The following P3H1 variants were observed in gnomAD, a reference collection of about 807,000 sequenced individuals.
P3H1 encodes the protein growth suppressor 1.
Under a neutral mutation model 84.0 loss-of-function variants are expected in P3H1, and 69 were observed. The observed-to-expected ratio is 0.82, with a 90% confidence interval of 0.68 to 1.00. The LOEUF (loss-of-function observed/expected upper bound fraction) is 1.00. P3H1 is among the 50% of genes least tolerant of loss of function. P3H1 has a pLI of 0.00. For synonymous variants in P3H1, 366 were observed against 388.8 expected, an observed-to-expected ratio of 0.94 and a Z score of 0.69; for missense variants, 878 against 962.8, an observed-to-expected ratio of 0.91 and a Z score of 1.17.
intron 1 of P3H1, among the ~76,000 whole-genome samples, chr1:42,765,616 G>A (rs1652944575): frequency 6.6e-6 from 1 of 152,194 alleles, no homozygotes; most frequent in South Asian, 2.1e-4. Flanking sequence ...GGGGAACTGT[G>A]TAGGCAGAAT....
At chr1:42,766,127 A>G (rs568665211) in intron 1 of P3H1, among the ~76,000 whole-genome samples, 1 of 152,176 alleles carries the variant, frequency 6.6e-6, no homozygotes, top group East Asian at 1.9e-4. Context: ...CCACTGGAAA[A>G]CCAACCGGAA....
At position 42,757,861 on chromosome 1, in the gene P3H1, G is replaced by C; in HGVS notation, c.1002C>G (p.Asp334Glu). 1 of 1,614,158 alleles carries C rather than the reference G, an allele frequency of 6.2e-7. No homozygotes were observed. The highest frequency in any genetic ancestry group is 1.1e-5 in the South Asian group (1 of 91,080). The part of the protein sequence containing the change: ...AKTYLLFFPN[D>E]EVMNQNLAYY... ...AGGCCAAATTTTGGTTCATCACCTC[G>C]TCATTGGGGAAGAAGAGAAGATAGG... The change falls in exon 5 of 15, where the codon GAC (aspartate) becomes GAG (glutamate). Residue 334 changes from aspartate (D) to glutamate (E), a missense_variant. Coordinates refer to ENST00000296388, the MANE Select transcript of P3H1 (RefSeq NM_022356.4).
intron 1 of P3H1, 136 bp from the exon 2 acceptor site, chr1:42,762,611 C>T: frequency 1.1e-6 from 1 of 884,778 alleles, no homozygotes; most frequent in Non-Finnish European, 1.8e-6. Flanking sequence ...CCCCTGCCAG[C>T]CCCAGGAAGC....
intron 6 of P3H1, 95 bp from the exon 7 acceptor site, chr1:42,755,312 G>T: frequency 8.2e-7 from 1 of 1,224,040 alleles, no homozygotes; most frequent in Non-Finnish European, 1.2e-6. Context: ...GAGTAATCCA[G>T]CTTATCACCC....
rs1213664830 is a variant in P3H1 at position 42,767,025 on chromosome 1, C to T, written c.-54G>A. On this transcript the variant is annotated 5_prime_UTR_variant, in exon 1 of 15. Coordinates refer to ENST00000296388, the MANE Select transcript of P3H1 (RefSeq NM_022356.4). ...GCCACCCGCCACCAAGGCCGGAGTC[C>T]TACCCCCGGCGAAGGCCCGCCCCCG... 1 of 1,578,098 alleles carries T rather than the reference C, an allele frequency of 6.3e-7. No individual in the cohort carries two copies. Among genetic ancestry groups the T allele is most frequent in the Non-Finnish European group, 8.6e-7 (1 of 1,166,334 alleles).
intron 5 of P3H1, among the ~76,000 whole-genome samples, chr1:42,757,314 T>C (rs1468808241): frequency 6.6e-6 from 1 of 152,098 alleles, no homozygotes; most frequent in Non-Finnish European, 1.5e-5. Context: ...ATATTTCTCC[T>C]GGTTTTGGAG....
At chr1:42,750,831 C>G (rs1652023564) in intron 10 of P3H1, among the ~76,000 whole-genome samples, 1 of 147,732 alleles carries the variant, frequency 6.8e-6, no homozygotes. Context: ...GGGGTCAGCC[C>G]CCTGCCCGGC....
Position 42,747,355 on chromosome 1 carries a change from G to GGTTTTCAGT in P3H1, c.1963_1971dup (p.Thr655_Asn657dup). The GGTTTTCAGT allele has an allele frequency of 1.2e-6, 2 of 1,610,400 alleles. No homozygotes were observed. Among genetic ancestry groups the GGTTTTCAGT allele is most frequent in the Non-Finnish European group, 1.7e-6 (2 of 1,177,916 alleles). On this transcript the variant is annotated inframe_insertion, in exon 14 of 15. Coordinates refer to ENST00000296388, the MANE Select transcript of P3H1 (RefSeq NM_022356.4). ...CTGGTGACAGCCTTCACTCCATGTGGGTTTTCAGTGCCTGAAGAGAATCCC... is the reference window on the plus strand; with the variant it reads ...CTGGTGACAGCCTTCACTCCATGTGGGTTTTCAGTGTTTTCAGTGCCTGAAGAGAATCCC...
At position 42,766,676 on chromosome 1, in the gene P3H1, G is replaced by A. The variant is rs1308573550; in HGVS notation, c.296C>T (p.Ser99Leu). 5.2e-6 allele frequency: 8 copies of A among 1,527,758 alleles called. No individual in the cohort carries two copies. Among genetic ancestry groups the A allele is most frequent in the Admixed American group, 2.1e-5 (1 of 47,042 alleles). The allele number at this position is 1,527,758 out of a possible 1,614,324, so 94.6% of individuals were successfully genotyped here. A position where few individuals can be genotyped will look rare whatever the true frequency, so the allele number is the denominator to read the frequency against. Residue 99 changes from serine to leucine, a missense_variant, in exon 1 of 15, where the codon TCG becomes TTG. Coordinates refer to ENST00000296388, the MANE Select transcript of P3H1 (RefSeq NM_022356.4). ...PDWSPSPAQASGAAALRDLSF... is the reference protein window; with the variant it reads ...PDWSPSPAQALGAAALRDLSF... Reference sequence around the variant, plus strand: ...CAGGTCGCGCAGGGCGGCGGCGCCCGAGGCCTGGGCCGGGCTGGGGGACCA... The same window carrying A: ...CAGGTCGCGCAGGGCGGCGGCGCCCAAGGCCTGGGCCGGGCTGGGGGACCA...
At position 42,746,847 on chromosome 1, in the gene P3H1, CCT is replaced by C; in HGVS notation, c.2059_2060del (p.Arg687GlyfsTer5). 4 of 1,613,954 alleles carry C rather than the reference CCT, an allele frequency of 2.5e-6. No individual in the cohort carries two copies. Among genetic ancestry groups the C allele is most frequent in the Non-Finnish European group, 3.4e-6 (4 of 1,179,950 alleles). ...TCTTCACCAGGTCATCTGCCTGCAC[CCT>C]GTCCTGCAAGGACAAACCCCTGCCC... ...TLDPRHSERD[R>X]VQADDLVKML... On this transcript the variant is annotated frameshift_variant, in exon 15 of 15. Coordinates refer to ENST00000296388, the MANE Select transcript of P3H1 (RefSeq NM_022356.4). LOFTEE classifies it high-confidence loss of function.
At position 42,755,000 on chromosome 1, in the gene P3H1, C is replaced by T. The variant is rs1189252248; in HGVS notation, c.1224-10G>A. ...TGTTTCCCGTTCTGACCTATGAGCA[C>T]AGCCGCTCTGAGGACTGCATTCCAG... On this transcript the variant is annotated splice_polypyrimidine_tract_variant and intron_variant, in intron 7 of 14. Coordinates refer to ENST00000296388, the MANE Select transcript of P3H1 (RefSeq NM_022356.4). The surrounding 1 kb of genome is among the most constrained non-coding windows in gnomAD (Gnocchi z 4.0). 3.1e-6 allele frequency: 5 copies of T among 1,614,072 alleles called. No homozygotes were observed. Among genetic ancestry groups the T allele is most frequent in the Non-Finnish European group, 3.4e-6 (4 of 1,180,048 alleles).
rs1652269190 is a variant in P3H1 at position 42,754,350 on chromosome 1, G to A, written c.1345+519C>T. ...CTTCCCAGCAGCTTGCAGAAAACGG[G>A]CACAGGAGGAAGAGGAGCCAAAGGA... On this transcript the variant is annotated intron_variant, in intron 8 of 14. Coordinates refer to ENST00000296388, the MANE Select transcript of P3H1 (RefSeq NM_022356.4). The surrounding 1 kb of genome is among the most constrained non-coding windows in gnomAD (Gnocchi z 4.0). 6.6e-6 allele frequency among the ~76,000 whole-genome samples: 1 copy of A among 152,150 alleles called. No homozygotes were observed. The highest frequency in any genetic ancestry group is 6.5e-5 in the Admixed American group (1 of 15,282).
rs146244576 is a variant in P3H1 at position 42,758,780 on chromosome 1, G to A, written c.940+72C>T. 1.7e-5 allele frequency: 27 copies of A among 1,564,704 alleles called. No homozygotes were observed. In the South Asian group the frequency reaches 2.8e-4, roughly 16 times the overall value. ...AAACACCTTGAGGAAGTAAGTGGCT[G>A]TAATCCCTGCCCACCTTGCCTTTAG... On this transcript the variant is annotated intron_variant, in intron 4 of 14. Coordinates refer to ENST00000296388, the MANE Select transcript of P3H1 (RefSeq NM_022356.4).
intron 12 of P3H1, 28 bp downstream of exon 12, chr1:42,748,172 C>T (rs1651837307): frequency 6.4e-7 from 1 of 1,559,176 alleles, no homozygotes; most frequent in Admixed American, 1.7e-5. Flanking sequence ...GCACAGACCT[C>T]CTCACCCTGC....
rs1273080810 is a variant in P3H1 at position 42,759,271 on chromosome 1, G to T, written c.738C>A (p.Cys246Ter). ...FVAYEECRALCEGPYDYDGYN... is the reference protein window; with the variant it reads ...FVAYEECRAL ...AGCCATCGTAGTCATAGGGCCCTTCGCAGAGGGCACGGCACTCCTCATAGG... is the reference window on the plus strand; with the variant it reads ...AGCCATCGTAGTCATAGGGCCCTTCTCAGAGGGCACGGCACTCCTCATAGG... Residue 246 changes from cysteine to a stop codon, truncating the protein, a stop_gained, in exon 3 of 15, where the codon TGC becomes TGA. Coordinates refer to ENST00000296388, the MANE Select transcript of P3H1 (RefSeq NM_022356.4). LOFTEE classifies it high-confidence loss of function. 6.2e-7 allele frequency: 1 copy of T among 1,614,010 alleles called. No homozygotes were observed. The highest frequency in any genetic ancestry group is 8.5e-7 in the Non-Finnish European group (1 of 1,180,026).
rs1379181164 is a variant in P3H1 at position 42,759,470 on chromosome 1, G to A, written c.619-80C>T. 7 of 1,271,670 alleles carry A rather than the reference G, an allele frequency of 5.5e-6. No homozygotes were observed. In the East Asian group the frequency reaches 1.7e-4, roughly 31 times the overall value. The allele number at this position is 1,271,670 out of a possible 1,614,324, so 78.8% of individuals were successfully genotyped here. On this transcript the variant is annotated intron_variant, in intron 2 of 14. Transcript: ENST00000296388. ...CTTGCCCTCAGCCACCTTCACAGGG[G>A]TCCTAATTTCCTGTTCCTCAGGTTA...
chr1:42,755,764 C>A, intron 5 of P3H1, 127 bp from the exon 6 acceptor site: 1 of 655,208 alleles, frequency 1.5e-6, no homozygotes, highest in Non-Finnish European at 2.7e-6. Flanking sequence ...CCTACCAATG[C>A]TCTCTGTCTG....
intron 2 of P3H1, chr1:42,760,078 G>A (rs374643292): frequency 6.8e-6 from 1 of 147,454 alleles, no homozygotes; most frequent in East Asian, 2.0e-4. Context: ...TCCGCCTCCA[G>A]GGTTCAAGCA....
rs16829938 is a variant in P3H1, at chr1:42,749,703, G to A, written c.1720+483C>T. ...ACCATCCCACCACCCGGAGTACTCC[G>A]TAATCGTATTCATCCTGCAAAACTG... On this transcript the variant is annotated intron_variant, in intron 11 of 14. Transcript: ENST00000296388. Among the ~76,000 whole-genome samples, 559 of 152,272 alleles carry A rather than the reference G, an allele frequency of 3.7e-3. 3 individuals carry two copies. Among genetic ancestry groups the A allele is most frequent in the African/African-American group, 0.013 (533 of 41,558 alleles).
Sources: gnomAD v4.1 joint callset for allele counts (sites outside exome capture counted in the v4.1 genomes callset) on GRCh38, gnomAD v4.1.1 for gene constraint, Gnocchi (gnomAD v3.1) non-coding constraint, MANE v1.5 for transcripts, NCBI Gene and HGNC (gene_info 2026-07-23, HGNC 2026-07-21) for gene names.